ROCK2: variants seen among roughly 807,000 people sequenced by gnomAD.
ROCK2 encodes the protein rho-associated protein kinase 2.
Under a neutral mutation model 195.1 loss-of-function variants are expected in ROCK2, and 61 were observed. That is an observed-to-expected ratio of 0.31 (90% CI 0.25 to 0.39). The LOEUF (loss-of-function observed/expected upper bound fraction) is 0.39, where lower values mean the gene tolerates loss of function less well. Ranked by LOEUF, ROCK2 falls within the 10% of genes least tolerant of loss-of-function variation. The pLI, the probability that ROCK2 is intolerant of heterozygous loss-of-function variation, is 1.00. For synonymous variants in ROCK2, 504 were observed against 545.5 expected, an observed-to-expected ratio of 0.92 and a Z score of 1.06; for missense variants, 1,109 against 1,637.4, an observed-to-expected ratio of 0.68 and a Z score of 5.57.
At chr2:11,287,991 C>T (rs1667250799) in intron 1 of ROCK2, among the ~76,000 whole-genome samples, 1 of 152,136 alleles carries the variant, frequency 6.6e-6, no homozygotes, top group Non-Finnish European at 1.5e-5. Context: ...AAACATGTAT[C>T]TATTATTATT....
At chr2:11,319,651 G>C (rs1263333713) in intron 1 of ROCK2, among the ~76,000 whole-genome samples, 2 of 152,084 alleles carry the variant, frequency 1.3e-5, no homozygotes, top group East Asian at 3.9e-4. Flanking sequence ...AATAGGAGTG[G>C]TGAGAGAGGG....
intron 6 of ROCK2, 150 bp downstream of exon 6, chr2:11,227,104 G>A: frequency 1.6e-6 from 1 of 617,018 alleles, no homozygotes; most frequent in Middle Eastern, 3.8e-4. Context: ...TTAACAGTCT[G>A]CCCTATCAGA....
At chr2:11,322,199 A>ATGGCT (rs1668421372) in intron 1 of ROCK2, among the ~76,000 whole-genome samples, 3 of 152,186 alleles carry the variant, frequency 2.0e-5, no homozygotes, top group Non-Finnish European at 2.9e-5. Context: ...GCCAAAAACA[A>ATGGCT]AACAAACAAT....
chr2:11,272,019 C>CAA (rs34999311), intron 3 of ROCK2, among the ~76,000 whole-genome samples: 125 of 113,678 alleles, frequency 1.1e-3, no homozygotes, highest in South Asian at 3.1e-3. Flanking sequence ...GACTCCATCT[C>CAA]AAAAAAAAAA....
At position 11,215,339 on chromosome 2, in the gene ROCK2, C is replaced by G; in HGVS notation, c.1671G>C (p.Val557=). The stretch of plus-strand genomic sequence containing the variant: ...CACCTACTTGTCTCTGGAGTTGATT[C>G]ACTTTCTCAGTGGATATTTGAGAGT... ...NQNSQISTEK[V]NQLQRQLDET... The change falls in exon 15 of 33, where the codon GTG becomes GTC. Residue 557 remains valine (V), a synonymous_variant. Coordinates refer to ENST00000315872, the MANE Select transcript of ROCK2 (RefSeq NM_004850.5). The G allele has an allele frequency of 6.2e-7, 1 of 1,602,392 alleles. No individual in the cohort carries two copies. Among genetic ancestry groups the G allele is most frequent in the South Asian group, 1.1e-5 (1 of 88,548 alleles).
intron 1 of ROCK2, among the ~76,000 whole-genome samples, chr2:11,292,982 C>T (rs1667407372): frequency 6.6e-6 from 1 of 152,160 alleles, no homozygotes; most frequent in Non-Finnish European, 1.5e-5. Flanking sequence ...GATATGCCTG[C>T]TTCCCTTTGC....
intron 3 of ROCK2, among the ~76,000 whole-genome samples, chr2:11,256,565 C>A (rs1174478175): frequency 6.7e-6 from 1 of 150,230 alleles, no homozygotes; most frequent in East Asian, 1.9e-4. Context: ...ATACATATAT[C>A]TAATATACAT....
intron 5 of ROCK2, among the ~76,000 whole-genome samples, chr2:11,231,465 C>G (rs532197122): frequency 1.3e-5 from 2 of 152,156 alleles, no homozygotes; most frequent in African/African-American, 4.8e-5. Flanking sequence ...ACCTCAGCCT[C>G]CCAAAGTGCT....
intron 1 of ROCK2, among the ~76,000 whole-genome samples, chr2:11,303,948 T>C (rs1369877028): frequency 6.6e-6 from 1 of 152,222 alleles, no homozygotes; most frequent in East Asian, 1.9e-4. Context: ...CCTTGCCCTA[T>C]TATTTTCAAA....
At chr2:11,310,164 T>A (rs1667988740) in intron 1 of ROCK2, among the ~76,000 whole-genome samples, 2 of 152,228 alleles carry the variant, frequency 1.3e-5, no homozygotes, top group Non-Finnish European at 2.9e-5. Context: ...TTTCTGTTTT[T>A]AATTTAGCCC....
intron 19 of ROCK2, 23 bp downstream of exon 19, chr2:11,208,264 T>C: frequency 7.9e-7 from 1 of 1,261,566 alleles, no homozygotes; most frequent in Non-Finnish European, 1.0e-6. Context: ...TTATTATTAA[T>C]CATTAGTACA....
intron 3 of ROCK2, among the ~76,000 whole-genome samples, chr2:11,271,281 C>G (rs1308285926): frequency 6.6e-6 from 1 of 152,180 alleles, no homozygotes; most frequent in Non-Finnish European, 1.5e-5. Context: ...CTGTGAGACT[C>G]TGGTTGAGCT....
At chr2:11,207,598 C>T (rs1664098332) in intron 20 of ROCK2, 128 bp downstream of exon 20, 1 of 628,758 alleles carries the variant, frequency 1.6e-6, no homozygotes, top group Admixed American at 3.4e-5. Context: ...AACACATTAC[C>T]TGTACAGAAA....
intron 1 of ROCK2, among the ~76,000 whole-genome samples, chr2:11,327,024 G>C: frequency 6.6e-6 from 1 of 152,180 alleles, no homozygotes; most frequent in Non-Finnish European, 1.5e-5. Flanking sequence ...AGCTCTTTCA[G>C]GGACTAGAGA....
intron 3 of ROCK2, among the ~76,000 whole-genome samples, chr2:11,267,836 G>A (rs912962490): frequency 4.6e-5 from 7 of 151,636 alleles, no homozygotes; most frequent in East Asian, 1.9e-4. Flanking sequence ...TAGCAGAGAC[G>A]GGGTTTCACT....
chr2:11,185,061 T>A (rs973640500), intron 32 of ROCK2, among the ~76,000 whole-genome samples: 3 of 152,172 alleles, frequency 2.0e-5, no homozygotes, highest in African/African-American at 7.2e-5. Context: ...ATACCCCAGA[T>A]AAACACATAA....
At chr2:11,252,732 A>C (rs1416383236) in intron 3 of ROCK2, among the ~76,000 whole-genome samples, 1 of 152,088 alleles carries the variant, frequency 6.6e-6, no homozygotes, top group African/African-American at 2.4e-5. Flanking sequence ...GTTCCCACTC[A>C]TAAGTGGGAG....
intron 1 of ROCK2, among the ~76,000 whole-genome samples, chr2:11,322,955 T>C (rs1668444444): frequency 1.3e-5 from 2 of 152,186 alleles, no homozygotes; most frequent in Non-Finnish European, 2.9e-5. Flanking sequence ...TGAAACGCTC[T>C]CTTCACTTGC....
intron 20 of ROCK2, among the ~76,000 whole-genome samples, chr2:11,203,472 C>CT (rs146026436): frequency 0.043 from 6,464 of 149,112 alleles, 258 homozygotes; most frequent in Non-Finnish European, 0.061. Context: ...TTACGTACTG[C>CT]TTTTTTTTTT....
Sources: allele counts gnomAD v4.1 joint callset (sites outside exome capture counted in the v4.1 genomes callset), GRCh38; gene constraint gnomAD v4.1.1; transcripts MANE v1.5; gene names NCBI Gene and HGNC (gene_info 2026-07-23, HGNC 2026-07-21).